Variants in NR1H4 observed in about 807,000 individuals in gnomAD.
NR1H4 encodes the protein nuclear receptor subfamily 1 group H member 4.
Under a neutral mutation model 58.5 loss-of-function variants are expected in NR1H4, and 23 were observed. The observed-to-expected ratio is 0.39, with a 90% CI of 0.28 to 0.56. NR1H4 has a LOEUF of 0.56. NR1H4 is among the 20% of genes least tolerant of loss of function. NR1H4 has a pLI of 0.58. For synonymous variants in NR1H4, 214 were observed against 198.0 expected, an observed-to-expected ratio of 1.08 and a Z score of -0.68; for missense variants, 487 against 576.9, an observed-to-expected ratio of 0.84 and a Z score of 1.60.
intron 1 of NR1H4, among the ~76,000 whole-genome samples, chr12:100,487,743 C>G (rs1156341893): frequency 1.3e-5 from 2 of 151,748 alleles, no homozygotes; most frequent in African/African-American, 2.4e-5. Flanking sequence ...TCCTGAGTAG[C>G]TTGGATTACA....
chr12:100,557,245 G>A (rs35734), intron 9 of NR1H4, among the ~76,000 whole-genome samples: 79,506 of 152,032 alleles, frequency 0.52, 21,563 homozygotes, highest in Non-Finnish European at 0.61. Flanking sequence ...ATGGTGGAAG[G>A]TGAAGGGGGA....
chr12:100,513,422 G>T (rs1215194078), intron 4 of NR1H4, among the ~76,000 whole-genome samples: 2 of 152,176 alleles, frequency 1.3e-5, no homozygotes, highest in Non-Finnish European at 2.9e-5. Flanking sequence ...TGGCAGAGCT[G>T]TGGAGATCGA....
rs1412667184 is a variant in NR1H4, at chr12:100,536,571, T to C, written c.792T>C (p.Tyr264=). The change falls in exon 7 of 11, where the codon TAT becomes TAC. Residue 264 remains tyrosine, a synonymous_variant. Transcript: ENST00000392986. ...QTLLHFIMDS[Y]NKQRMPQEIT... is the part of the protein sequence containing the mutation. ...TTCTACATTTTATTATGGATTCATA[T>C]AACAAACAGAGGATGCCTCAGGAAA... 1.2e-6 allele frequency: 2 copies of C among 1,607,170 alleles called. No individual in the cohort carries two copies. Among genetic ancestry groups the C allele is most frequent in the East Asian group, 2.2e-5 (1 of 44,758 alleles).
chr12:100,561,406 TA>T (rs1565788242), intron 9 of NR1H4, among the ~76,000 whole-genome samples: 4 of 147,250 alleles, frequency 2.7e-5, no homozygotes, highest in South Asian at 2.1e-4. Flanking sequence ...TCAAAAAAAA[TA>T]AAATAAATAA....
At chr12:100,541,353 C>A (rs1429985549) in intron 9 of NR1H4, among the ~76,000 whole-genome samples, 2 of 149,144 alleles carry the variant, frequency 1.3e-5, no homozygotes, top group Admixed American at 1.3e-4. Flanking sequence ...GTGATCTCGG[C>A]TCACTGCAGC....
At chr12:100,488,628 G>A (rs1953544956) in intron 1 of NR1H4, among the ~76,000 whole-genome samples, 2 of 152,158 alleles carry the variant, frequency 1.3e-5, no homozygotes, top group South Asian at 4.1e-4. Flanking sequence ...ATTCTGCCAT[G>A]AAGTGGAATG....
intron 9 of NR1H4, among the ~76,000 whole-genome samples, chr12:100,541,022 C>T (rs980570805): frequency 6.6e-6 from 1 of 152,074 alleles, no homozygotes; most frequent in Admixed American, 6.6e-5. Context: ...AACAAAGTAG[C>T]AAAACTACCC....
At chr12:100,557,765 C>T (rs1955364597) in intron 9 of NR1H4, among the ~76,000 whole-genome samples, 1 of 152,154 alleles carries the variant, frequency 6.6e-6, no homozygotes, top group Non-Finnish European at 1.5e-5. Context: ...GGTAAGTATA[C>T]CTTAGATGAT....
intron 9 of NR1H4, among the ~76,000 whole-genome samples, chr12:100,541,374 C>T (rs1209094768): frequency 6.7e-6 from 1 of 149,376 alleles, no homozygotes; most frequent in Non-Finnish European, 1.5e-5. Flanking sequence ...CTCTGTTTCC[C>T]AGGTTCCAGC....
intron 3 of NR1H4, among the ~76,000 whole-genome samples, chr12:100,497,626 A>G (rs1953744792): frequency 6.6e-6 from 1 of 152,184 alleles, no homozygotes; most frequent in Non-Finnish European, 1.5e-5. Context: ...CAGTTACCAC[A>G]CAGAGATTCG....
rs368213599 is a variant in NR1H4 at position 100,534,951 on chromosome 12, A to G, written c.660A>G (p.Ala220=). 5 of 1,614,262 alleles carry G rather than the reference A, an allele frequency of 3.1e-6. No homozygotes were observed. In the South Asian group the frequency reaches 5.5e-5, roughly 18 times the overall value. The change falls in exon 6 of 11, where the codon GCA becomes GCG. Residue 220 remains alanine (A), a synonymous_variant. Coordinates refer to ENST00000392986, the MANE Select transcript of NR1H4 (RefSeq NM_001206979.2). ...KRLRKNVKQH[A]DQTVNEDSEG... ...TGAGAAAAAATGTGAAGCAGCATGC[A>G]GATCAGACCGTGAATGAAGACAGTG...
chr12:100,549,464 T>C (rs1435080795), intron 9 of NR1H4, among the ~76,000 whole-genome samples: 4 of 152,156 alleles, frequency 2.6e-5, no homozygotes, highest in African/African-American at 9.7e-5. Flanking sequence ...TGGCATTCCA[T>C]TGGCAAGAAC....
chr12:100,506,206 T>C (rs1240481845), intron 3 of NR1H4, among the ~76,000 whole-genome samples: 2 of 152,168 alleles, frequency 1.3e-5, no homozygotes, highest in African/African-American at 4.8e-5. Flanking sequence ...TTAGGAAACA[T>C]GTCTTTTAAT....
At chr12:100,495,628 G>A (rs906671645) in intron 3 of NR1H4, among the ~76,000 whole-genome samples, 2 of 134,960 alleles carry the variant, frequency 1.5e-5, no homozygotes, top group Admixed American at 8.0e-5. Context: ...CTACTCAAGA[G>A]AACTGAGGCA....
At position 100,540,672 on chromosome 12, in the gene NR1H4, G is replaced by A. The variant is rs201214098; in HGVS notation, c.932G>A (p.Gly311Glu). The A allele has an allele frequency of 6.2e-7, 1 of 1,613,916 alleles. No individual in the cohort carries two copies. Among genetic ancestry groups the A allele is most frequent in the Non-Finnish European group, 8.5e-7 (1 of 1,179,934 alleles). ...CAATTTGATTATCATCATTACCTAG[G>A]ATTTCAGACTTTGGACCATGAAGAC... The part of the protein sequence containing the change: ...VLVEFTKKLP[G>E]FQTLDHEDQI... Residue 311 changes from glycine to glutamate, a missense_variant and splice_region_variant, in exon 9 of 11, where the codon GGA (glycine) becomes GAA (glutamate). Gly to Glu is a moderately conservative substitution (Grantham distance 98). Coordinates refer to ENST00000392986, the MANE Select transcript of NR1H4 (RefSeq NM_001206979.2).
chr12:100,505,715 C>G, intron 3 of NR1H4: 1 of 634,712 alleles, frequency 1.6e-6, no homozygotes, highest in Non-Finnish European at 2.8e-6. Context: ...ATTCCTAAAT[C>G]TAAATTTTAA....
chr12:100,499,830 G>A (rs989065472), intron 3 of NR1H4: 7 of 455,844 alleles, frequency 1.5e-5, no homozygotes, highest in Admixed American at 7.1e-5. Flanking sequence ...ATCAAGCTAA[G>A]TACATTTTAG....
intron 9 of NR1H4, among the ~76,000 whole-genome samples, chr12:100,561,123 G>A (rs1955460982): frequency 6.6e-6 from 1 of 152,070 alleles, no homozygotes; most frequent in Admixed American, 6.6e-5. Context: ...CTGGCTGGGC[G>A]CGGTGGCTCA....
chr12:100,526,388 T>C (rs1374730994), intron 4 of NR1H4, among the ~76,000 whole-genome samples: 1 of 152,224 alleles, frequency 6.6e-6, no homozygotes, highest in African/African-American at 2.4e-5. Context: ...CATTTTCACT[T>C]AGTTCTTTAA....
Sources: gnomAD v4.1 joint callset for allele counts (sites outside exome capture counted in the v4.1 genomes callset) on GRCh38, gnomAD v4.1.1 for gene constraint, MANE v1.5 for transcripts, NCBI Gene and HGNC (gene_info 2026-07-23, HGNC 2026-07-21) for gene names.